The following STAT3 variants were observed in gnomAD, a reference collection of about 807,000 sequenced individuals.
STAT3 encodes signal transducer and activator of transcription 3, also known as DNA-binding protein APRF.
STAT3 carries 7 observed loss-of-function variants against 114.3 expected under a neutral mutation model. The observed-to-expected ratio is 0.06, with a 90% CI of 0.03 to 0.11. The LOEUF is 0.11. STAT3 is among the 10% of genes least tolerant of loss of function. STAT3 has a pLI of 1.00. For synonymous variants in STAT3, 331 were observed against 354.5 expected (o/e 0.93, Z 0.74); for missense variants, 364 against 960.9 (o/e 0.38, Z 8.21).
In STAT3 at chr17:42,373,390, A is replaced by G. The variant is rs115940196; in HGVS notation, c.-24+14889T>C. On this transcript the variant is annotated intron_variant, in intron 1 of 23. Coordinates refer to ENST00000264657, the MANE Select transcript of STAT3 (RefSeq NM_139276.3). ...AAAAGAAAGAAAACACGTATCTACT[A>G]AAATTACAAAAACTAGCCGGGTATG... Among the ~76,000 whole-genome samples, 469 of 151,860 alleles carry G rather than the reference A, an allele frequency of 3.1e-3. 6 individuals carry two copies. Among genetic ancestry groups the G allele is most frequent in the African/African-American group, 0.011 (451 of 41,414 alleles).
chr17:42,345,698 C>T (rs907056056), intron 3 of STAT3, 41 bp from the exon 4 acceptor site: 1 of 1,533,656 alleles, frequency 6.5e-7, no homozygotes, highest in Non-Finnish European at 8.9e-7. Flanking sequence ...CAGCAGCAGA[C>T]CATGGAGATG....
chr17:42,344,922 T>C (rs1027478160), intron 4 of STAT3, among the ~76,000 whole-genome samples: 1 of 152,056 alleles, frequency 6.6e-6, no homozygotes, highest in African/African-American at 2.4e-5. Flanking sequence ...CTTGTTTTCC[T>C]ATACTTTGGA....
At chr17:42,351,032 G>A (rs920739626) in intron 1 of STAT3, among the ~76,000 whole-genome samples, 3 of 151,016 alleles carry the variant, frequency 2.0e-5, no homozygotes, top group African/African-American at 7.3e-5. Context: ...TAGGGAGGCT[G>A]AGGCAGAAGA....
chr17:42,322,209 C>T (rs1057438359), intron 21 of STAT3, 73 bp downstream of exon 21: 4 of 1,441,240 alleles, frequency 2.8e-6, no homozygotes, highest in Non-Finnish European at 3.9e-6. Flanking sequence ...ATTTGCCTAT[C>T]TATCCTCCAA....
chr17:42,356,294 C>G (rs2083221824), intron 1 of STAT3, among the ~76,000 whole-genome samples: 2 of 151,822 alleles, frequency 1.3e-5, no homozygotes, highest in Admixed American at 6.6e-5. Flanking sequence ...TCCCACTATG[C>G]AGAACAAAAA....
intron 1 of STAT3, among the ~76,000 whole-genome samples, chr17:42,379,050 G>A (rs1357748901): frequency 6.6e-6 from 1 of 152,154 alleles, no homozygotes; most frequent in African/African-American, 2.4e-5. Context: ...ACAGGTGGCT[G>A]ACACCAGACT....
Position 42,322,270 on chromosome 17 carries a change from A to G in STAT3, c.2101+12T>C. ...CAAAAATTAAATGCCAGGAACATGG[A>G]AAATCAACAACTACCTGGGTCAGCT... On this transcript the variant is annotated intron_variant, in intron 21 of 23. Transcript: ENST00000264657. The G allele has an allele frequency of 6.2e-7, 1 of 1,614,200 alleles. No individual in the cohort carries two copies. The highest frequency in any genetic ancestry group is 1.1e-5 in the South Asian group (1 of 91,090).
rs1469055030 is a variant in STAT3 at position 42,323,646 on chromosome 17, CAAG to C, written c.1601-24_1601-22del. 1.9e-6 allele frequency: 3 copies of C among 1,612,816 alleles called. 1 individual carries two copies. Among genetic ancestry groups the C allele is most frequent in the Non-Finnish European group, 8.5e-7 (1 of 1,179,068 alleles). On this transcript the variant is annotated intron_variant, in intron 17 of 23. Coordinates refer to ENST00000264657, the MANE Select transcript of STAT3 (RefSeq NM_139276.3). Reference sequence around the variant, plus strand: ...AGGTCCTGAAGGAAAGAAAAAGAGTCAAGTAGTACATTTTCAGCTTGGGGTCAA... The same window carrying C: ...AGGTCCTGAAGGAAAGAAAAAGAGTCTAGTACATTTTCAGCTTGGGGTCAA...
intron 1 of STAT3, among the ~76,000 whole-genome samples, chr17:42,369,341 G>C (rs1268642848): frequency 2.0e-5 from 3 of 152,106 alleles, no homozygotes; most frequent in Admixed American, 6.6e-5. Context: ...CTGGGCAATA[G>C]AGCAAGACTC....
In STAT3 at chr17:42,313,804, T is replaced by G. The variant is rs907394439; in HGVS notation, c.*1941A>C. On this transcript the variant is annotated 3_prime_UTR_variant, in exon 24 of 24. Coordinates refer to ENST00000264657, the MANE Select transcript of STAT3 (RefSeq NM_139276.3). ...CTGTTTATCAGTTAAGCTTATTATG[T>G]ACTGAAGAGTGTTGCTGGAGAAGTA... 3 of 232,944 alleles carry G rather than the reference T, an allele frequency of 1.3e-5. No homozygotes were observed. Among genetic ancestry groups the G allele is most frequent in the African/African-American group, 6.6e-5 (3 of 45,294 alleles). 14.4% of individuals were successfully genotyped at this position (232,944 alleles called of 1,614,324 possible).
intron 1 of STAT3, among the ~76,000 whole-genome samples, chr17:42,377,479 G>A: frequency 6.6e-6 from 1 of 152,250 alleles, no homozygotes; most frequent in South Asian, 2.1e-4. Flanking sequence ...AAAATACAGA[G>A]TTTGGTGTAT....
At chr17:42,332,303 G>GC (rs201418655) in intron 10 of STAT3, among the ~76,000 whole-genome samples, 5,888 of 148,332 alleles carry the variant, frequency 0.04, 147 homozygotes, top group Middle Eastern at 0.065. Flanking sequence ...ACTTTGGGAG[G>GC]CCAAGGCAGG....
intron 1 of STAT3, among the ~76,000 whole-genome samples, chr17:42,384,557 AT>A (rs35561964): frequency 0.34 from 48,878 of 145,068 alleles, 7,965 homozygotes; most frequent in South Asian, 0.46. Flanking sequence ...GCTACCAGGA[AT>A]TTTTTTTTTT....
intron 1 of STAT3, among the ~76,000 whole-genome samples, chr17:42,357,975 T>C (rs2083308177): frequency 1.3e-5 from 2 of 152,186 alleles, no homozygotes; most frequent in African/African-American, 2.4e-5. Flanking sequence ...CAAATTACTA[T>C]AATTACTGTA....
intron 1 of STAT3, among the ~76,000 whole-genome samples, chr17:42,370,174 T>C (rs1044702361): frequency 2.0e-5 from 3 of 151,608 alleles, no homozygotes; most frequent in Admixed American, 2.0e-4. Flanking sequence ...TTCGCCATGT[T>C]CACCTGGCCT....
chr17:42,344,576 A>G (rs12950549), intron 4 of STAT3, among the ~76,000 whole-genome samples: 53,408 of 148,986 alleles, frequency 0.36, 9,642 homozygotes, highest in South Asian at 0.47. Context: ...AAAATTAGCC[A>G]GGCTTGGTGG....
At chr17:42,325,568 CTT>C (rs72322568) in intron 15 of STAT3, among the ~76,000 whole-genome samples, 2,560 of 145,284 alleles carry the variant, frequency 0.018, 74 homozygotes, top group African/African-American at 0.06. Flanking sequence ...GTTCTAATTT[CTT>C]TTTTTTTTTT....
At chr17:42,365,583 C>A (rs2083733892) in intron 1 of STAT3, among the ~76,000 whole-genome samples, 1 of 151,710 alleles carries the variant, frequency 6.6e-6, no homozygotes, top group African/African-American at 2.4e-5. Context: ...ATGAAAGAGT[C>A]CAACTTCCAT....
rs17882069 is a variant in STAT3, at chr17:42,337,521, G to A, written c.711C>T (p.Asp237=). The change falls in exon 8 of 24, where the codon GAC becomes GAT. Residue 237 remains aspartate, a synonymous_variant. Transcript: ENST00000264657. This position sits in a 1 kb window ranked among gnomAD's most constrained non-coding sequence, Gnocchi z 4.0. ...GCCTCTTCCAGTCAGCCAGCTCCTC[G>A]TCCGTGAGAGTTTTCTGCACGTACT... The part of the protein sequence containing the change: ...AMEYVQKTLT[D]EELADWKRRQ... 1,878 of 1,614,138 alleles carry A rather than the reference G, an allele frequency of 1.2e-3. 24 individuals are homozygous for A. The African/African-American group carries it at 0.022, about 19-fold the overall frequency.
Sources: gnomAD v4.1 joint callset for allele counts (sites outside exome capture counted in the v4.1 genomes callset) on GRCh38, gnomAD v4.1.1 for gene constraint, Gnocchi (gnomAD v3.1) non-coding constraint, MANE v1.5 for transcripts, NCBI Gene and HGNC (gene_info 2026-07-23, HGNC 2026-07-21) for gene names.